FIGNL2: variants seen among roughly 807,000 people sequenced by gnomAD.
FIGNL2 encodes the protein fidgetin like 2.
For missense variants in FIGNL2, 1,060 were observed against 950.2 expected, an observed-to-expected ratio of 1.12 and a Z score of -1.52; for synonymous variants, 565 against 484.0, an observed-to-expected ratio of 1.17 and a Z score of -2.20.
Position 51,821,323 on chromosome 12 carries a change from C to A in FIGNL2, c.1091G>T (p.Gly364Val). ...APRGGFAVPS[G>V]ETPKGVDPGA... is the part of the protein sequence containing the mutation. ...AGGGTCCACGCCTTTGGGAGTCTCC[C>A]CCGACGGCACGGCGAACCCCCCACG... Residue 364 changes from glycine to valine, a missense_variant, in exon 2 of 2, where the codon GGG (glycine) becomes GTG (valine). By Grantham distance (109) the Gly-to-Val change is moderately radical. Coordinates refer to ENST00000618634, the MANE Select transcript of FIGNL2 (RefSeq NM_001384995.1). The A allele has an allele frequency of 6.6e-7, 1 of 1,507,258 alleles. No individual in the cohort carries two copies. Among genetic ancestry groups the A allele is most frequent in the Middle Eastern group, 1.7e-4 (1 of 5,852 alleles). 93.4% of individuals were successfully genotyped at this position (1,507,258 alleles called of 1,614,324 possible).
chr12:51,834,783 GCCAGGGGC>G lies in FIGNL2; in HGVS notation c.-11-12367_-11-12360del, dbSNP rs939014468. Among the ~76,000 whole-genome samples, 35 of 152,364 alleles carry G rather than the reference GCCAGGGGC, an allele frequency of 2.3e-4. 1 individual carries two copies. Among genetic ancestry groups the G allele is most frequent in the African/African-American group, 7.5e-4 (31 of 41,588 alleles). ...ATCTGTTGTTGCTCTGAGAGGCCAG[GCCAGGGGC>G]CCAGCACCCTTGAGGAATGAACCTT... On this transcript the variant is annotated intron_variant, in intron 1 of 1. Coordinates refer to ENST00000618634, the MANE Select transcript of FIGNL2 (RefSeq NM_001384995.1).
At chr12:51,847,444 A>C in intron 1 of FIGNL2, 2 of 985,478 alleles carry the variant, frequency 2.0e-6, no homozygotes, top group Non-Finnish European at 2.4e-6. Flanking sequence ...CCGTGCGGAC[A>C]ACACAAACAT....
At position 51,848,660 on chromosome 12, in the gene FIGNL2, A is replaced by C; in HGVS notation, c.-132T>G. ...CCTGGGCTGGGGGGCAGTGGCGCTCACCATCCTGGAGCCGCTGCTGCTGCG... is the reference window on the plus strand; with the variant it reads ...CCTGGGCTGGGGGGCAGTGGCGCTCCCCATCCTGGAGCCGCTGCTGCTGCG... On this transcript the variant is annotated 5_prime_UTR_variant, in exon 1 of 2. Transcript: ENST00000618634. 15 of 476,386 alleles carry C rather than the reference A, an allele frequency of 3.1e-5. No homozygotes were observed. The highest frequency in any genetic ancestry group is 1.5e-4 in the East Asian group (1 of 6,502). The allele number at this position is 476,386 out of a possible 1,614,324, so 29.5% of individuals were successfully genotyped here. A position where few individuals can be genotyped will look rare whatever the true frequency, so the allele number is the denominator to read the frequency against.
intron 1 of FIGNL2, among the ~76,000 whole-genome samples, chr12:51,826,761 G>A (rs189861805): frequency 6.2e-4 from 95 of 152,172 alleles, no homozygotes; most frequent in African/African-American, 2.2e-3. Context: ...AAAGAACTCA[G>A]CTGCCAAAGG....
intron 1 of FIGNL2, chr12:51,825,935 C>T (rs1013735726): frequency 4.6e-5 from 7 of 152,208 alleles, no homozygotes; most frequent in African/African-American, 1.4e-4. Context: ...ATCTAGACCA[C>T]CTGATCTCTA....
Position 51,820,179 on chromosome 12 carries a change from G to T in FIGNL2, c.*273C>A. 2.1e-6 allele frequency: 1 copy of T among 472,678 alleles called. No individual in the cohort carries two copies. The highest frequency in any genetic ancestry group is 3.8e-6 in the Non-Finnish European group (1 of 265,992). 29.3% of individuals were successfully genotyped at this position (472,678 alleles called of 1,614,324 possible). A position where few individuals can be genotyped will look rare whatever the true frequency, so the allele number is the denominator to read the frequency against. On this transcript the variant is annotated 3_prime_UTR_variant, in exon 2 of 2. Transcript: ENST00000618634. ...CTTAAGGCCCCGGGTGCCAGCCCATGCCGGATCTGCCCGGTCTGCCGGGCG... is the reference window on the plus strand; with the variant it reads ...CTTAAGGCCCCGGGTGCCAGCCCATTCCGGATCTGCCCGGTCTGCCGGGCG...
At chr12:51,833,663 A>G (rs1939514077) in intron 1 of FIGNL2, among the ~76,000 whole-genome samples, 1 of 152,002 alleles carries the variant, frequency 6.6e-6, no homozygotes, top group South Asian at 2.1e-4. Flanking sequence ...CCTGCCTGGA[A>G]CACACCTTCC....
At chr12:51,845,716 C>T (rs986664910) in intron 1 of FIGNL2, 33 of 971,698 alleles carry the variant, frequency 3.4e-5, no homozygotes, top group Admixed American at 6.2e-5. Context: ...GGCTGACCGA[C>T]GGCAGGGGGA....
At chr12:51,836,283 A>G (rs1939577493) in intron 1 of FIGNL2, among the ~76,000 whole-genome samples, 1 of 152,130 alleles carries the variant, frequency 6.6e-6, no homozygotes, top group African/African-American at 2.4e-5. Flanking sequence ...AGAGGAAGGT[A>G]GGACAGGGCA....
intron 1 of FIGNL2, among the ~76,000 whole-genome samples, chr12:51,846,099 C>T (rs1939745489): frequency 6.6e-6 from 1 of 152,208 alleles, no homozygotes; most frequent in Non-Finnish European, 1.5e-5. Flanking sequence ...TTACAAAACC[C>T]CTTTTATTCA....
chr12:51,821,251 G>A lies in FIGNL2; in HGVS notation c.1163C>T (p.Pro388Leu). ...VTSKMVDCGP[P>L]VQWADVAGQG... Reference sequence around the variant, plus strand: ...GCCCGCCACATCCGCCCACTGCACCGGGGGCCCGCAGTCCACCATCTTGCT... The same window carrying A: ...GCCCGCCACATCCGCCCACTGCACCAGGGGCCCGCAGTCCACCATCTTGCT... The change falls in exon 2 of 2, where the codon CCG becomes CTG. Residue 388 changes from proline (P) to leucine (L), a missense_variant. Pro to Leu is a moderately conservative substitution (Grantham distance 98, BLOSUM62 -3). Transcript: ENST00000618634. The A allele has an allele frequency of 3.3e-6, 5 of 1,524,538 alleles. No homozygotes were observed. Among genetic ancestry groups the A allele is most frequent in the South Asian group, 1.2e-5 (1 of 83,252 alleles). 94.4% of individuals were successfully genotyped at this position (1,524,538 alleles called of 1,614,324 possible).
intron 1 of FIGNL2, among the ~76,000 whole-genome samples, chr12:51,829,496 G>A (rs1939410676): frequency 6.6e-6 from 1 of 152,222 alleles, no homozygotes; most frequent in African/African-American, 2.4e-5. Flanking sequence ...CCAGAGAATA[G>A]CCTTCAAAAC....
intron 1 of FIGNL2, among the ~76,000 whole-genome samples, chr12:51,835,162 C>T (rs1282303725): frequency 7.1e-6 from 1 of 141,754 alleles, no homozygotes; most frequent in Non-Finnish European, 1.5e-5. Flanking sequence ...TCCTGCCCAA[C>T]CCTCCCCCAC....
intron 1 of FIGNL2, among the ~76,000 whole-genome samples, chr12:51,831,193 G>T (rs1358269141): frequency 6.6e-6 from 1 of 152,104 alleles, no homozygotes; most frequent in Non-Finnish European, 1.5e-5. Flanking sequence ...AAAAAATAAG[G>T]TCATATAGCT....
At chr12:51,848,443 GCCCT>G in intron 1 of FIGNL2, 93 bp downstream of exon 1, 6 of 981,142 alleles carry the variant, frequency 6.1e-6, no homozygotes, top group Non-Finnish European at 7.3e-6. Flanking sequence ...CGCCCTCTCG[GCCCT>G]CTCCGGCCCC....
In FIGNL2 at chr12:51,822,386, G is replaced by T. The variant is rs753823722; in HGVS notation, c.28C>A (p.Pro10Thr). 3.7e-6 allele frequency: 6 copies of T among 1,613,762 alleles called. No individual in the cohort carries two copies. Among genetic ancestry groups the T allele is most frequent in the Non-Finnish European group, 5.1e-6 (6 of 1,179,834 alleles). Reference sequence around the variant, plus strand: ...TGCTGCTCTGGCCACTGGTTGAGGGGCTGGGCGTGTTCTGGTGTCCAGTGC... The same window carrying T: ...TGCTGCTCTGGCCACTGGTTGAGGGTCTGGGCGTGTTCTGGTGTCCAGTGC... MHWTPEHAQ[P>T]LNQWPEQHLD... The change falls in exon 2 of 2, where the codon CCC (proline) becomes ACC (threonine). Residue 10 changes from proline (P) to threonine (T), a missense_variant. By Grantham distance (38) the Pro-to-Thr change is conservative. Coordinates refer to ENST00000618634, the MANE Select transcript of FIGNL2 (RefSeq NM_001384995.1).
Position 51,822,162 on chromosome 12 carries a change from G to A in FIGNL2, c.252C>T (p.Ser84=), listed in dbSNP as rs1939230322. The stretch of plus-strand genomic sequence containing the variant: ...TGGCGCCGTTGAGGAAGGAGGCGTC[G>A]CTGTACCCGCCCAGGGCCGGACGCT... ...PYERPALGGY[S]DASFLNGAKG... Residue 84 remains serine, a synonymous_variant, in exon 2 of 2, where the codon AGC becomes AGT. Transcript: ENST00000618634. The A allele has an allele frequency of 5.0e-6, 8 of 1,611,158 alleles. No homozygotes were observed. The South Asian group carries it at 6.6e-5, about 13-fold the overall frequency.
In FIGNL2 at chr12:51,817,971, A is replaced by C. The variant is rs1201564144; in HGVS notation, c.*2481T>G. 1 of 152,540 alleles carries C rather than the reference A, an allele frequency of 6.6e-6. No homozygotes were observed. Among genetic ancestry groups the C allele is most frequent in the Non-Finnish European group, 1.5e-5 (1 of 68,052 alleles). 9.4% of individuals were successfully genotyped at this position (152,540 alleles called of 1,614,324 possible). A position where few individuals can be genotyped will look rare whatever the true frequency, so the allele number is the denominator to read the frequency against. ...GTCTCTTCTGAGGTAGACAGACCAC[A>C]ACTGCAGAGCATCGTCAGACAGGAG... On this transcript the variant is annotated 3_prime_UTR_variant, in exon 2 of 2. Coordinates refer to ENST00000618634, the MANE Select transcript of FIGNL2 (RefSeq NM_001384995.1).
rs867213516 is a variant in FIGNL2 at position 51,821,906 on chromosome 12, C to T, written c.508G>A (p.Gly170Ser). The change falls in exon 2 of 2, where the codon GGT becomes AGT. Residue 170 changes from glycine (G) to serine (S), a missense_variant. Gly to Ser is a moderately conservative substitution (Grantham distance 56). Coordinates refer to ENST00000618634, the MANE Select transcript of FIGNL2 (RefSeq NM_001384995.1). ...AGYGGGYLAP[G>S]YCAQTGAALP... Reference sequence around the variant, plus strand: ...GCGGCGCCCGTCTGCGCGCAGTAACCCGGCGCCAGGTACCCCCCGCCGTAG... The same window carrying T: ...GCGGCGCCCGTCTGCGCGCAGTAACTCGGCGCCAGGTACCCCCCGCCGTAG... 83 of 1,466,956 alleles carry T rather than the reference C, an allele frequency of 5.7e-5. 1 individual carries two copies. The Middle Eastern group carries it at 7.4e-4, about 13-fold the overall frequency. The allele number at this position is 1,466,956 out of a possible 1,614,324, so 90.9% of individuals were successfully genotyped here. A position where few individuals can be genotyped will look rare whatever the true frequency, so the allele number is the denominator to read the frequency against.
Sources: allele counts gnomAD v4.1 joint callset (sites outside exome capture counted in the v4.1 genomes callset), GRCh38; gene constraint gnomAD v4.1.1; transcripts MANE v1.5; gene names NCBI Gene and HGNC (gene_info 2026-07-23, HGNC 2026-07-21).